The following TCF12 variants were observed in gnomAD, a reference collection of about 807,000 sequenced individuals.
TCF12 encodes the protein DNA-binding protein HTF4.
Under a neutral mutation model 86.0 loss-of-function variants are expected in TCF12, and 45 were observed. The observed-to-expected ratio is 0.52, with a 90% confidence interval of 0.41 to 0.67. The LOEUF (loss-of-function observed/expected upper bound fraction) is 0.67, where lower values mean the gene tolerates loss of function less well. Among genes scored for constraint, TCF12 ranks in the 30% least tolerant of loss-of-function variants. TCF12 has a pLI of 0.00. For synonymous variants in TCF12, 330 were observed against 299.6 expected (o/e 1.10, Z -1.05); for missense variants, 881 against 859.9 (o/e 1.02, Z -0.31).
intron 9 of TCF12, 112 bp from the exon 10 acceptor site, chr15:57,232,179 G>T: frequency 1.7e-6 from 2 of 1,162,758 alleles, no homozygotes; most frequent in Non-Finnish European, 2.5e-6. Flanking sequence ...AGACTAGGTT[G>T]GAAAAGGGAG....
intron 5 of TCF12, among the ~76,000 whole-genome samples, chr15:57,105,302 A>G (rs1356173354): frequency 6.6e-6 from 1 of 152,198 alleles, no homozygotes; most frequent in African/African-American, 2.4e-5. Context: ...TAATGTTCCT[A>G]TAAACTTGAT....
chr15:57,077,324 TA>T, intron 4 of TCF12, among the ~76,000 whole-genome samples: 1 of 32,566 alleles, frequency 3.1e-5, no homozygotes, highest in South Asian at 9.5e-4. Flanking sequence ...TATATGTATA[TA>T]TATGTGTGTG....
intron 3 of TCF12, among the ~76,000 whole-genome samples, chr15:56,943,014 G>T (rs1260001355): frequency 6.6e-6 from 1 of 152,154 alleles, no homozygotes; most frequent in East Asian, 1.9e-4. Context: ...AATTTAAACA[G>T]TATGGAAGGA....
chr15:57,281,983 C>G (rs778073464), intron 19 of TCF12, among the ~76,000 whole-genome samples: 1 of 152,046 alleles, frequency 6.6e-6, no homozygotes, highest in Non-Finnish European at 1.5e-5. Context: ...TTGGGGACCA[C>G]TGCTTTAGAG....
chr15:57,244,528 C>T (rs549073084), intron 13 of TCF12, among the ~76,000 whole-genome samples: 50 of 152,176 alleles, frequency 3.3e-4, no homozygotes, highest in South Asian at 8.3e-4. Flanking sequence ...GGCATAATCT[C>T]GGCTTACTGC....
intron 4 of TCF12, among the ~76,000 whole-genome samples, chr15:57,088,168 T>A (rs1567396791): frequency 1.3e-5 from 2 of 152,230 alleles, no homozygotes; most frequent in African/African-American, 2.4e-5. Flanking sequence ...TGTTCTTTTC[T>A]TGTCACTGCA....
intron 5 of TCF12, among the ~76,000 whole-genome samples, chr15:57,152,819 A>G (rs1377577998): frequency 6.6e-6 from 1 of 152,032 alleles, no homozygotes; most frequent in African/African-American, 2.4e-5. Flanking sequence ...ACATCAAACC[A>G]TAGATGCAAG....
chr15:57,197,734 T>C (rs1424740683), intron 7 of TCF12, 39 bp from the exon 8 acceptor site: 2 of 1,600,988 alleles, frequency 1.2e-6, no homozygotes, highest in Non-Finnish European at 8.5e-7. Context: ...TTTTTTCTGG[T>C]ATATTATGCT....
intron 18 of TCF12, among the ~76,000 whole-genome samples, chr15:57,267,227 TC>T (rs1197538124): frequency 6.6e-6 from 1 of 152,242 alleles, no homozygotes; most frequent in Non-Finnish European, 1.5e-5. Flanking sequence ...AATGTTCCTT[TC>T]TGTCATTCAC....
intron 3 of TCF12, among the ~76,000 whole-genome samples, chr15:57,021,888 T>C (rs2065508951): frequency 6.6e-6 from 1 of 152,166 alleles, no homozygotes; most frequent in Non-Finnish European, 1.5e-5. Context: ...TGCAGGGGTC[T>C]TTAATCAGTC....
chr15:57,160,534 AAT>A (rs778552927), intron 5 of TCF12, among the ~76,000 whole-genome samples: 91 of 152,030 alleles, frequency 6.0e-4, no homozygotes, highest in Non-Finnish European at 1.1e-3. Context: ...ATTTTTAGTA[AAT>A]ATATATTATC....
At chr15:57,217,917 C>T (rs977071526) in intron 8 of TCF12, among the ~76,000 whole-genome samples, 1 of 152,000 alleles carries the variant, frequency 6.6e-6, no homozygotes, top group East Asian at 1.9e-4. Context: ...AGTTACAAAC[C>T]ACTCCGCAGA....
chr15:56,938,049 T>TC (rs2060549468), intron 3 of TCF12, among the ~76,000 whole-genome samples: 1 of 149,788 alleles, frequency 6.7e-6, no homozygotes. Context: ...TCTTTTCTTT[T>TC]TTTTTTTTTT....
intron 3 of TCF12, among the ~76,000 whole-genome samples, chr15:56,979,241 C>G (rs2062766692): frequency 6.6e-6 from 1 of 152,132 alleles, no homozygotes; most frequent in African/African-American, 2.4e-5. Flanking sequence ...TTATTGTCAA[C>G]AGTAATATGT....
rs777934020 is a variant in TCF12, at chr15:57,254,857, CA to C, written c.1467+1409del. Among the ~76,000 whole-genome samples the C allele has an allele frequency of 8.1e-3, 829 of 102,560 alleles. 3 individuals are homozygous for C. The highest frequency in any genetic ancestry group is 0.034 in the African/African-American group (739 of 21,626). 67.3% of individuals were successfully genotyped at this position (102,560 alleles called of 152,430 possible). ...TAGGCCATAGAGCATGACCCTGTCT[CA>C]AAAAAAAAAAAAAAAAAAAGAAAGA... is the stretch of plus-strand genomic sequence containing the variant. On this transcript the variant is annotated intron_variant, in intron 16 of 20. Coordinates refer to ENST00000333725, the MANE Select transcript of TCF12 (RefSeq NM_207037.2).
At chr15:57,200,060 T>C (rs2057461800) in intron 8 of TCF12, among the ~76,000 whole-genome samples, 1 of 150,608 alleles carries the variant, frequency 6.6e-6, no homozygotes, top group Non-Finnish European at 1.5e-5. Context: ...TTTTTTTTTT[T>C]TGTAGAGACG....
chr15:57,109,311 T>C (rs1329000456), intron 5 of TCF12: 1 of 152,186 alleles, frequency 6.6e-6, no homozygotes, highest in Non-Finnish European at 1.5e-5. Context: ...TGTCAGCTAT[T>C]GTAAAGGTAC....
chr15:57,276,417 G>A lies in TCF12; in HGVS notation c.1978+3155G>A, dbSNP rs568001995. 3.3e-5 allele frequency among the ~76,000 whole-genome samples: 5 copies of A among 152,356 alleles called. No homozygotes were observed. The South Asian group carries it at 1.0e-3, about 32-fold the overall frequency. On this transcript the variant is annotated intron_variant, in intron 19 of 20. Coordinates refer to ENST00000333725, the MANE Select transcript of TCF12 (RefSeq NM_207037.2). ...ATATTCATTTTAACCCACAAGGACA[G>A]ATGAGAGAGGAGACCATAGCAGATG...
chr15:56,952,818 A>G (rs28790102), intron 3 of TCF12, among the ~76,000 whole-genome samples: 2,082 of 152,272 alleles, frequency 0.014, 56 homozygotes, highest in African/African-American at 0.044. Flanking sequence ...GAATAAAGAT[A>G]ATTTTACTTC....
Sources: gnomAD v4.1 joint callset for allele counts (sites outside exome capture counted in the v4.1 genomes callset) on GRCh38, gnomAD v4.1.1 for gene constraint, MANE v1.5 for transcripts, NCBI Gene and HGNC (gene_info 2026-07-23, HGNC 2026-07-21) for gene names.